The following SUMF1 variants were observed in gnomAD, a reference collection of about 807,000 sequenced individuals.
SUMF1 encodes the protein formylglycine-generating enzyme.
A neutral mutation model predicts 47.6 loss-of-function variants in SUMF1; 48 were observed. The observed-to-expected ratio is 1.01, with a 90% CI of 0.80 to 1.28. The LOEUF is 1.28. Ranked by LOEUF, SUMF1 falls within the 50% of genes most tolerant of loss-of-function variation. The probability of loss-of-function intolerance (pLI) is 0.00; values close to 1 mark genes in which losing one functional copy is unlikely to be tolerated. For missense variants in SUMF1, 571 were observed against 485.4 expected (o/e 1.18, Z -1.66); for synonymous variants, 230 against 192.1 (o/e 1.20, Z -1.63).
chr3:4,124,211 A>G (rs2125080678), intron 8 of SUMF1, among the ~76,000 whole-genome samples: 1 of 152,238 alleles, frequency 6.6e-6, no homozygotes, highest in Non-Finnish European at 1.5e-5. Flanking sequence ...GAATAAACAG[A>G]TTTTTCTTTA....
chr3:4,322,017 A>G (rs1324922076), intron 8 of SUMF1, among the ~76,000 whole-genome samples: 3 of 152,166 alleles, frequency 2.0e-5, no homozygotes. Flanking sequence ...ATAACCCAAG[A>G]CTAATCATGA....
At position 4,231,981 on chromosome 3, in the gene SUMF1, G is replaced by C. The variant is rs77746224; in HGVS notation, c.1014+144349C>G. Among the ~76,000 whole-genome samples, 1,305 of 152,242 alleles carry C rather than the reference G, an allele frequency of 8.6e-3. 19 individuals carry two copies. The highest frequency in any genetic ancestry group is 0.029 in the African/African-American group (1,219 of 41,552). On this transcript the variant is annotated intron_variant and NMD_transcript_variant, in intron 8 of 12. Transcript: ENST00000448413. ...AGTGGCAAAGAGTATAGGTGGTATT[G>C]AAGAGAATTATTTTAATGGGAATGA...
chr3:4,288,418 A>G (rs1465312791), intron 8 of SUMF1, among the ~76,000 whole-genome samples: 3 of 152,002 alleles, frequency 2.0e-5, no homozygotes, highest in Admixed American at 6.6e-5. Flanking sequence ...AGCATTCTGA[A>G]AGAATTACTA....
chr3:4,095,223 A>G (rs545409223), intron 8 of SUMF1, among the ~76,000 whole-genome samples: 15 of 152,084 alleles, frequency 9.9e-5, no homozygotes, highest in African/African-American at 3.6e-4. Flanking sequence ...ATGGTCCTAA[A>G]CTCTATATTT....
chr3:4,202,714 C>A (rs2587926), intron 8 of SUMF1, among the ~76,000 whole-genome samples: 152,161 of 152,162 alleles, frequency 1, 76,080 homozygotes, highest in Middle Eastern at 1. Context: ...ATGTTTTAAC[C>A]ATATTGGTTC....
chr3:4,289,735 T>A (rs375529039), intron 8 of SUMF1, among the ~76,000 whole-genome samples: 1 of 152,180 alleles, frequency 6.6e-6, no homozygotes, highest in African/African-American at 2.4e-5. Flanking sequence ...CATCTGGTTG[T>A]AGGGTTTCTA....
At chr3:4,438,509 T>G (rs1425330186) in intron 3 of SUMF1, among the ~76,000 whole-genome samples, 1 of 152,202 alleles carries the variant, frequency 6.6e-6, no homozygotes, top group Non-Finnish European at 1.5e-5. Context: ...CTGATCACAC[T>G]GACCTGCCTT....
At chr3:4,099,101 T>C (rs1692972167) in intron 8 of SUMF1, among the ~76,000 whole-genome samples, 1 of 152,118 alleles carries the variant, frequency 6.6e-6, no homozygotes, top group Admixed American at 6.5e-5. Context: ...GGATCTGCCC[T>C]GATAACATCC....
chr3:4,130,433 T>A (rs566011998), intron 8 of SUMF1, among the ~76,000 whole-genome samples: 4 of 152,306 alleles, frequency 2.6e-5, no homozygotes, highest in African/African-American at 9.6e-5. Flanking sequence ...TGTATCATAA[T>A]CTTATTCAGA....
At chr3:4,419,496 G>A (rs978490131) in intron 4 of SUMF1, among the ~76,000 whole-genome samples, 4 of 152,150 alleles carry the variant, frequency 2.6e-5, no homozygotes, top group Non-Finnish European at 2.9e-5. Flanking sequence ...AATCTCCAGG[G>A]TTTAAAGTGT....
At chr3:4,138,441 C>G (rs1159375028) in intron 8 of SUMF1, among the ~76,000 whole-genome samples, 1 of 152,142 alleles carries the variant, frequency 6.6e-6, no homozygotes, top group Non-Finnish European at 1.5e-5. Context: ...TATTCCATGT[C>G]AATTCCAACC....
At chr3:4,214,454 G>A (rs189870759) in intron 8 of SUMF1, among the ~76,000 whole-genome samples, 66 of 152,232 alleles carry the variant, frequency 4.3e-4, no homozygotes, top group African/African-American at 1.5e-3. Flanking sequence ...AGAGAAAGCA[G>A]GAAAGATCTA....
intron 3 of SUMF1, among the ~76,000 whole-genome samples, chr3:4,421,277 A>G (rs1559289353): frequency 6.6e-6 from 1 of 152,168 alleles, no homozygotes; most frequent in Non-Finnish European, 1.5e-5. Flanking sequence ...TACAGATAGT[A>G]ACAGCACCTA....
intron 3 of SUMF1, among the ~76,000 whole-genome samples, chr3:4,436,269 T>C (rs1263867723): frequency 6.6e-6 from 1 of 152,170 alleles, no homozygotes; most frequent in Non-Finnish European, 1.5e-5. Flanking sequence ...TATATGGTTA[T>C]AGGACACATT....
At chr3:4,250,824 C>G (rs1198562184) in intron 8 of SUMF1, among the ~76,000 whole-genome samples, 1 of 152,070 alleles carries the variant, frequency 6.6e-6, no homozygotes, top group Non-Finnish European at 1.5e-5. Flanking sequence ...TTGAGACTTG[C>G]TAATCAGAAA....
At chr3:4,250,626 G>A (rs1212989801) in intron 8 of SUMF1, among the ~76,000 whole-genome samples, 1 of 152,112 alleles carries the variant, frequency 6.6e-6, no homozygotes, top group Non-Finnish European at 1.5e-5. Flanking sequence ...TCAAAGAATA[G>A]GCAGACTCTC....
intron 8 of SUMF1, among the ~76,000 whole-genome samples, chr3:4,269,655 T>A (rs1015219126): frequency 2.0e-5 from 3 of 152,120 alleles, no homozygotes; most frequent in African/African-American, 7.2e-5. Flanking sequence ...GTTATCCTGA[T>A]AATCAAAAAT....
intron 8 of SUMF1, among the ~76,000 whole-genome samples, chr3:4,113,224 G>T (rs562768357): frequency 6.6e-6 from 1 of 151,984 alleles, no homozygotes; most frequent in Non-Finnish European, 1.5e-5. Flanking sequence ...CTCTCTTCTA[G>T]CTACTTTGAA....
chr3:4,096,348 C>T (rs1436366560), intron 8 of SUMF1, among the ~76,000 whole-genome samples: 2 of 152,128 alleles, frequency 1.3e-5, no homozygotes, highest in Non-Finnish European at 2.9e-5. Flanking sequence ...CAATCAAGTT[C>T]TCTATACTTG....
Sources: allele counts gnomAD v4.1 joint callset (sites outside exome capture counted in the v4.1 genomes callset), GRCh38; gene constraint gnomAD v4.1.1; transcripts MANE v1.5; gene names NCBI Gene and HGNC (gene_info 2026-07-23, HGNC 2026-07-21).